ZBTB46: variants seen among roughly 807,000 people sequenced by gnomAD.
ZBTB46 encodes the protein zinc finger and BTB domain-containing protein 46.
A neutral mutation model predicts 44.1 loss-of-function variants in ZBTB46; 8 were observed. The observed-to-expected ratio is 0.18, with a 90% CI of 0.11 to 0.33. The LOEUF (loss-of-function observed/expected upper bound fraction) is 0.33. Among genes scored for constraint, ZBTB46 ranks in the 10% least tolerant of loss-of-function variants. The pLI is 1.00. For missense variants in ZBTB46, 651 were observed against 847.7 expected, an observed-to-expected ratio of 0.77 and a Z score of 2.88; for synonymous variants, 409 against 382.3, an observed-to-expected ratio of 1.07 and a Z score of -0.81.
intron 1 of ZBTB46, among the ~76,000 whole-genome samples, chr20:63,791,326 T>A (rs2092558834): frequency 6.6e-6 from 1 of 151,648 alleles, no homozygotes; most frequent in Admixed American, 6.6e-5. Flanking sequence ...AAACCCTGTC[T>A]CTACTAAAAA....
At chr20:63,801,992 C>T (rs1160635724) in intron 1 of ZBTB46, among the ~76,000 whole-genome samples, 1 of 152,194 alleles carries the variant, frequency 6.6e-6, no homozygotes, top group East Asian at 1.9e-4. Flanking sequence ...TGTGCTTATC[C>T]AAGGACCTCA....
At chr20:63,775,544 C>A in intron 3 of ZBTB46, 134 bp downstream of exon 3, 1 of 1,239,846 alleles carries the variant, frequency 8.1e-7, no homozygotes, top group Non-Finnish European at 1.1e-6. Context: ...CCTCACCTCC[C>A]GCAACAGGGA....
intron 1 of ZBTB46, among the ~76,000 whole-genome samples, chr20:63,806,671 C>G (rs1039241601): frequency 6.6e-6 from 1 of 152,144 alleles, no homozygotes; most frequent in African/African-American, 2.4e-5. Flanking sequence ...TGCAACGGTG[C>G]GACCTTGGCT....
At chr20:63,804,531 C>T (rs2092669294) in intron 1 of ZBTB46, among the ~76,000 whole-genome samples, 1 of 152,170 alleles carries the variant, frequency 6.6e-6, no homozygotes, top group Admixed American at 6.6e-5. Context: ...ACTGCCCTGC[C>T]CTCCTCTCAG....
At chr20:63,810,919 G>C (rs2092714031) in intron 1 of ZBTB46, among the ~76,000 whole-genome samples, 1 of 152,248 alleles carries the variant, frequency 6.6e-6, no homozygotes, top group Non-Finnish European at 1.5e-5. Flanking sequence ...TCCAGCAGCA[G>C]AGCCGGAGAG....
chr20:63,785,332 G>A (rs1263939652), intron 2 of ZBTB46, among the ~76,000 whole-genome samples: 2 of 151,516 alleles, frequency 1.3e-5, no homozygotes, highest in Non-Finnish European at 2.9e-5. Flanking sequence ...AGGCTGAGGC[G>A]GGCGGACCGC....
chr20:63,816,077 CACA>C lies in ZBTB46; in HGVS notation c.-34+15017_-34+15019del, dbSNP rs1459150147. 8.5e-3 allele frequency among the ~76,000 whole-genome samples: 818 copies of C among 96,160 alleles called. 7 individuals carry two copies. Among genetic ancestry groups the C allele is most frequent in the Middle Eastern group, 0.052 (5 of 96 alleles). The allele number at this position is 96,160 out of a possible 152,430, so 63.1% of individuals were successfully genotyped here. ...GTGCGGTGGGCGCAGGTGCAGTGGGCACAGGTGGGCACAGGTGCAGTGGGCGCA... is the reference window on the plus strand; with the variant it reads ...GTGCGGTGGGCGCAGGTGCAGTGGGCGGTGGGCACAGGTGCAGTGGGCGCA... On this transcript the variant is annotated intron_variant, in intron 1 of 4. Transcript: ENST00000245663.
At chr20:63,832,899 C>T (rs543423307), upstream of ZBTB46, among the ~76,000 whole-genome samples, 31 of 152,252 alleles carry the variant, frequency 2.0e-4, no homozygotes, top group African/African-American at 1.7e-4. The surrounding 1 kb of genome is among the most constrained non-coding windows in gnomAD (Gnocchi z 5.0). Flanking sequence ...GCAGGAGCCC[C>T]CACCTGCCCA....
At chr20:63,755,378 G>A (rs1227387758) in intron 3 of ZBTB46, among the ~76,000 whole-genome samples, 1 of 152,216 alleles carries the variant, frequency 6.6e-6, no homozygotes, top group Non-Finnish European at 1.5e-5. Context: ...GGCCTCTTCA[G>A]CTCCTAGTAG....
rs143914755 is a variant in ZBTB46, at chr20:63,823,994, G to C, written c.-34+7103C>G. ...GACCAGATTACACTTGAGAAGTGGA[G>C]ATTTTGAGTGCAGAGAGGAGGCTGT... On this transcript the variant is annotated intron_variant, in intron 1 of 4. Coordinates refer to ENST00000245663, the MANE Select transcript of ZBTB46 (RefSeq NM_001369741.1). Among the ~76,000 whole-genome samples the C allele has an allele frequency of 6.6e-3, 1,002 of 152,182 alleles. 8 individuals are homozygous for C. The highest frequency in any genetic ancestry group is 0.02 in the Middle Eastern group (6 of 294).
chr20:63,825,346 A>G (rs908102812), intron 1 of ZBTB46, among the ~76,000 whole-genome samples: 1 of 147,866 alleles, frequency 6.8e-6, no homozygotes, highest in Non-Finnish European at 1.5e-5. Context: ...GGTTGTAATG[A>G]GCCGAGATCT....
At chr20:63,794,592 T>C (rs1484011328) in intron 1 of ZBTB46, among the ~76,000 whole-genome samples, 2 of 152,228 alleles carry the variant, frequency 1.3e-5, no homozygotes, top group Non-Finnish European at 2.9e-5. Context: ...AGGAGAATAT[T>C]TGAATTTACA....
intron 3 of ZBTB46, among the ~76,000 whole-genome samples, chr20:63,766,444 G>A (rs1242461288): frequency 1.6e-4 from 24 of 150,532 alleles, no homozygotes; most frequent in Admixed American, 1.5e-3. Context: ...TAAAACTCCC[G>A]ACCTCAGGTG....
chr20:63,785,939 C>G (rs2092510956), intron 2 of ZBTB46, among the ~76,000 whole-genome samples: 1 of 152,230 alleles, frequency 6.6e-6, no homozygotes, highest in African/African-American at 2.4e-5. Context: ...ACACCTTCTG[C>G]TCGACAACTG....
At chr20:63,811,434 G>A (rs576929773) in intron 1 of ZBTB46, among the ~76,000 whole-genome samples, 68 of 152,362 alleles carry the variant, frequency 4.5e-4, no homozygotes, top group Middle Eastern at 3.4e-3. Context: ...TCCAGGAGCA[G>A]AAGTAAGTTC....
At chr20:63,782,134 C>A (rs867922735) in intron 2 of ZBTB46, among the ~76,000 whole-genome samples, 3 of 151,960 alleles carry the variant, frequency 2.0e-5, no homozygotes, top group East Asian at 3.9e-4. Flanking sequence ...CCAAAATCCC[C>A]GGCTACTGTA....
intron 3 of ZBTB46, among the ~76,000 whole-genome samples, chr20:63,768,364 G>A (rs1477045944): frequency 1.3e-5 from 2 of 152,226 alleles, no homozygotes; most frequent in African/African-American, 2.4e-5. Context: ...GCCGAGGCAG[G>A]CGGATCACCT....
intron 3 of ZBTB46, among the ~76,000 whole-genome samples, chr20:63,764,069 A>G (rs1014331908): frequency 2.6e-5 from 4 of 151,972 alleles, no homozygotes; most frequent in African/African-American, 9.7e-5. Flanking sequence ...CCTGGGCTCA[A>G]GCGATCCTCC....
At chr20:63,816,297 C>A in intron 1 of ZBTB46, 1 of 222,192 alleles carries the variant, frequency 4.5e-6, no homozygotes, top group South Asian at 4.8e-5. Flanking sequence ...TTGGCTCCAT[C>A]TCTGCTCACC....
Sources: gnomAD v4.1 joint callset for allele counts (sites outside exome capture counted in the v4.1 genomes callset) on GRCh38, gnomAD v4.1.1 for gene constraint, Gnocchi (gnomAD v3.1) non-coding constraint, MANE v1.5 for transcripts, NCBI Gene and HGNC (gene_info 2026-07-23, HGNC 2026-07-21) for gene names.